UTP6: variants seen among roughly 807,000 people sequenced by gnomAD.
UTP6 encodes U3 small nucleolar RNA-associated protein 6 homolog.
In UTP6, 60 loss-of-function variants were observed where a neutral mutation model predicts 96.5. The observed-to-expected ratio is 0.62, with a 90% CI of 0.51 to 0.77. The LOEUF (loss-of-function observed/expected upper bound fraction) is 0.77. Ranked by LOEUF, UTP6 falls within the 30% of genes least tolerant of loss-of-function variation. The pLI is 0.00. For synonymous variants in UTP6, 215 were observed against 240.1 expected, an observed-to-expected ratio of 0.90 and a Z score of 0.96; for missense variants, 637 against 706.5, an observed-to-expected ratio of 0.90 and a Z score of 1.12.
chr17:31,891,894 G>T (rs182562644), intron 6 of UTP6, among the ~76,000 whole-genome samples: 32 of 152,222 alleles, frequency 2.1e-4, no homozygotes, highest in Admixed American at 5.2e-4. Flanking sequence ...GTGGTGGCGG[G>T]CACCTGTAAT....
At chr17:31,901,249 G>T in intron 1 of UTP6, 1 of 418,292 alleles carries the variant, frequency 2.4e-6, no homozygotes, top group Non-Finnish European at 4.5e-6. Context: ...ACCACACTCT[G>T]CCCAATTAGC....
At chr17:31,868,746 A>G (rs1211170935) in intron 16 of UTP6, among the ~76,000 whole-genome samples, 1 of 152,212 alleles carries the variant, frequency 6.6e-6, no homozygotes, top group East Asian at 1.9e-4. Context: ...ATTCTAAGGA[A>G]ATGATTTCTA....
At chr17:31,869,395 T>C (rs1166529302) in intron 16 of UTP6, among the ~76,000 whole-genome samples, 2 of 152,162 alleles carry the variant, frequency 1.3e-5, no homozygotes, top group Admixed American at 1.3e-4. Flanking sequence ...CTTCAACTCC[T>C]GGGCCCAAGC....
intron 2 of UTP6, among the ~76,000 whole-genome samples, chr17:31,896,509 T>C (rs978449250): frequency 1.3e-5 from 2 of 152,316 alleles, no homozygotes; most frequent in East Asian, 3.9e-4. Flanking sequence ...TTCTTTTTAG[T>C]TTTCATTTTC....
intron 2 of UTP6, among the ~76,000 whole-genome samples, 183 bp downstream of exon 2, chr17:31,899,463 A>G (rs982394821): frequency 2.0e-5 from 3 of 151,840 alleles, no homozygotes; most frequent in Non-Finnish European, 4.4e-5. Context: ...GCATGCATCT[A>G]TGGTCCCAGC....
intron 10 of UTP6, among the ~76,000 whole-genome samples, chr17:31,882,168 T>C (rs1802325441): frequency 6.6e-6 from 1 of 151,832 alleles, no homozygotes; most frequent in Non-Finnish European, 1.5e-5. Flanking sequence ...GTACCTGGGA[T>C]TACAGGCATG....
chr17:31,871,287 C>T (rs375315251), intron 16 of UTP6, among the ~76,000 whole-genome samples: 11 of 152,024 alleles, frequency 7.2e-5, no homozygotes, highest in South Asian at 2.1e-4. Context: ...CCACCGCACC[C>T]GGCCTTTTAA....
chr17:31,895,842 C>T (rs1488924934), intron 2 of UTP6, among the ~76,000 whole-genome samples: 1 of 151,320 alleles, frequency 6.6e-6, no homozygotes, highest in Non-Finnish European at 1.5e-5. Flanking sequence ...CCCATCAATC[C>T]ATATTTCTAC....
At position 31,873,394 on chromosome 17, in the gene UTP6, T is replaced by C. The variant is rs1243490265; in HGVS notation, c.1480A>G (p.Arg494Gly). The change falls in exon 16 of 19, where the codon AGA (arginine) becomes GGA (glycine). Residue 494 changes from arginine (R) to glycine (G), a missense_variant. Physicochemically the swap from Arg to Gly is moderately radical, Grantham distance 125 (BLOSUM62 -2). Transcript: ENST00000261708. ...TGTGAGTACCTTTTAAACACAGCTC[T>C]GGCCTTTTTGTAGCCACCACTTCGA... is the stretch of plus-strand genomic sequence containing the variant. ...AYRSGGYKKA[R>G]AVFKSLQESR... 1.9e-6 allele frequency: 3 copies of C among 1,614,116 alleles called. No homozygotes were observed. In the Admixed American group the frequency reaches 5.0e-5, roughly 27 times the overall value.
intron 16 of UTP6, among the ~76,000 whole-genome samples, chr17:31,872,757 T>C (rs944814775): frequency 9.9e-5 from 15 of 152,130 alleles, no homozygotes; most frequent in African/African-American, 3.6e-4. Flanking sequence ...TCCCAGCACT[T>C]TGAGAGGCCA....
chr17:31,867,785 A>G (rs1048992823), intron 17 of UTP6, among the ~76,000 whole-genome samples: 5 of 151,972 alleles, frequency 3.3e-5, no homozygotes, highest in African/African-American at 1.2e-4. Context: ...GTAAAACCCC[A>G]TCTCTACTAA....
In UTP6 at chr17:31,899,695, T is replaced by C. The variant is rs1598123956; in HGVS notation, c.128A>G (p.Lys43Arg). 1 of 1,605,284 alleles carries C rather than the reference T, an allele frequency of 6.2e-7. No individual in the cohort carries two copies. The highest frequency in any genetic ancestry group is 8.5e-7 in the Non-Finnish European group (1 of 1,175,714). ...CTTGAAAAGGGTTCTTCTCTGGATT[T>C]TGTACTCTAGATCGGAAGCCTTCTT... ...IIKKASDLEY[K>R]IQRRTLFKED... Residue 43 changes from lysine (K) to arginine (R), a missense_variant, in exon 2 of 19, where the codon AAA (lysine) becomes AGA (arginine). By Grantham distance (26) the Lys-to-Arg change is conservative. Coordinates refer to ENST00000261708, the MANE Select transcript of UTP6 (RefSeq NM_018428.3).
intron 16 of UTP6, among the ~76,000 whole-genome samples, chr17:31,872,312 G>A (rs930621996): frequency 6.6e-6 from 1 of 151,988 alleles, no homozygotes; most frequent in African/African-American, 2.4e-5. Context: ...CTTCGATGAT[G>A]TAATAAATTA....
chr17:31,886,083 G>A (rs749987388), intron 8 of UTP6, 22 bp from the exon 9 acceptor site: 9 of 1,600,858 alleles, frequency 5.6e-6, no homozygotes, highest in Non-Finnish European at 6.8e-6. Context: ...TATATCAAAC[G>A]TAACTTAACA....
At chr17:31,872,769 G>A (rs1157986611) in intron 16 of UTP6, among the ~76,000 whole-genome samples, 1 of 152,142 alleles carries the variant, frequency 6.6e-6, no homozygotes, top group Non-Finnish European at 1.5e-5. Context: ...GAGAGGCCAA[G>A]ACAAGCAAAT....
intron 16 of UTP6, 52 bp from the exon 17 acceptor site, chr17:31,868,164 C>A (rs754193178): frequency 6.5e-7 from 1 of 1,538,376 alleles, no homozygotes; most frequent in Non-Finnish European, 8.9e-7. Flanking sequence ...AAGCCTCTTA[C>A]ATCTCATAAC....
intron 15 of UTP6, 45 bp downstream of exon 15, chr17:31,873,628 T>G: frequency 6.2e-7 from 1 of 1,613,308 alleles, no homozygotes; most frequent in Non-Finnish European, 8.5e-7. Context: ...CAGGGAACCT[T>G]CTGCCATTCC....
At chr17:31,866,880 CTT>C (rs1247843737) in intron 17 of UTP6, among the ~76,000 whole-genome samples, 1 of 63,032 alleles carries the variant, frequency 1.6e-5, no homozygotes, top group African/African-American at 7.0e-5. Context: ...CAGCAAGACT[CTT>C]GTCTCAAAAA....
rs1179465732 is a variant in UTP6 at position 31,862,450 on chromosome 17, C to A, written c.*909G>T. 6.6e-6 allele frequency: 1 copy of A among 152,190 alleles called. No individual in the cohort carries two copies. Among genetic ancestry groups the A allele is most frequent in the Non-Finnish European group, 1.5e-5 (1 of 68,048 alleles). 9.4% of individuals were successfully genotyped at this position (152,190 alleles called of 1,614,324 possible). On this transcript the variant is annotated 3_prime_UTR_variant, in exon 19 of 19. Coordinates refer to ENST00000261708, the MANE Select transcript of UTP6 (RefSeq NM_018428.3). ...ACGTAACAATAAGCTACACTGAAAGCTTCTCCCAGTGACAGGATGCTTTTT... is the reference window on the plus strand; with the variant it reads ...ACGTAACAATAAGCTACACTGAAAGATTCTCCCAGTGACAGGATGCTTTTT...
Sources: gnomAD v4.1 joint callset for allele counts (sites outside exome capture counted in the v4.1 genomes callset) on GRCh38, gnomAD v4.1.1 for gene constraint, MANE v1.5 for transcripts, NCBI Gene and HGNC (gene_info 2026-07-23, HGNC 2026-07-21) for gene names.